Variants in CPED1 observed in about 807,000 individuals in gnomAD.
CPED1 encodes the protein cadherin like and PC-esterase domain containing 1.
CPED1 carries 114 observed loss-of-function variants against 128.2 expected under a neutral mutation model. The observed-to-expected ratio is 0.89, with a 90% CI of 0.76 to 1.04. The LOEUF (loss-of-function observed/expected upper bound fraction) is 1.04, where lower values mean the gene tolerates loss of function less well. Among genes scored for constraint, CPED1 ranks in the 50% least tolerant of loss-of-function variants. The pLI, the probability that CPED1 is intolerant of heterozygous loss-of-function variation, is 0.00. For missense variants in CPED1, 1,211 were observed against 1,207.1 expected, an observed-to-expected ratio of 1.00 and a Z score of -0.05; for synonymous variants, 462 against 426.7, an observed-to-expected ratio of 1.08 and a Z score of -1.02.
intron 14 of CPED1, among the ~76,000 whole-genome samples, chr7:121,137,057 A>C (rs1467756812): frequency 6.6e-6 from 1 of 151,994 alleles, no homozygotes; most frequent in Non-Finnish European, 1.5e-5. Context: ...ATATAGCTGT[A>C]TGTATTTGGT....
intron 16 of CPED1, among the ~76,000 whole-genome samples, chr7:121,228,743 G>C (rs1248179755): frequency 6.6e-6 from 1 of 151,962 alleles, no homozygotes; most frequent in Non-Finnish European, 1.5e-5. Flanking sequence ...ATCAGCATAA[G>C]TGCCTATCAG....
chr7:121,136,006 T>TTTA, intron 13 of CPED1, 34 bp from the exon 14 acceptor site: 2 of 1,438,090 alleles, frequency 1.4e-6, no homozygotes, highest in Non-Finnish European at 1.9e-6. Flanking sequence ...ATTAATGGTT[T>TTTA]TTATTTTAAA....
chr7:121,150,031 G>A (rs1796120405), intron 16 of CPED1, among the ~76,000 whole-genome samples: 1 of 152,090 alleles, frequency 6.6e-6, no homozygotes, highest in Non-Finnish European at 1.5e-5. Flanking sequence ...AGAGATCTTA[G>A]ATACGAAGTA....
chr7:121,196,946 A>G (rs1020401748), intron 16 of CPED1, among the ~76,000 whole-genome samples: 1 of 152,030 alleles, frequency 6.6e-6, no homozygotes, highest in Non-Finnish European at 1.5e-5. Context: ...ACTGAACTCA[A>G]TTTTTGTTTT....
At position 121,091,318 on chromosome 7, in the gene CPED1, C is replaced by T. The variant is rs114552918; in HGVS notation, c.617-6381C>T. Among the ~76,000 whole-genome samples, 1,197 of 152,184 alleles carry T rather than the reference C, an allele frequency of 7.9e-3. 19 individuals carry two copies. The highest frequency in any genetic ancestry group is 0.027 in the African/African-American group (1,108 of 41,522). Reference sequence around the variant, plus strand: ...CTGCAATGCAAAATTTGAGGAGGATCACTAAAAACATAGTGTGTCTTTACA... The same window carrying T: ...CTGCAATGCAAAATTTGAGGAGGATTACTAAAAACATAGTGTGTCTTTACA... On this transcript the variant is annotated intron_variant, in intron 5 of 22. Coordinates refer to ENST00000310396, the MANE Select transcript of CPED1 (RefSeq NM_024913.5).
chr7:121,242,762 G>A (rs1798426728), intron 17 of CPED1, among the ~76,000 whole-genome samples: 1 of 151,974 alleles, frequency 6.6e-6, no homozygotes, highest in South Asian at 2.1e-4. Flanking sequence ...CAAAGTTATT[G>A]TATATTTTCT....
chr7:121,238,250 G>T lies in CPED1; in HGVS notation c.2173+1419G>T, dbSNP rs150836343. Among the ~76,000 whole-genome samples, 269 of 152,170 alleles carry T rather than the reference G, an allele frequency of 1.8e-3. 1 individual carries two copies. The highest frequency in any genetic ancestry group is 6.3e-3 in the African/African-American group (261 of 41,522). ...AAGGAGCTAGGTCTCCTTAGAGAAG[G>T]CCCCAAATTGACTCACAAATCAAGT... On this transcript the variant is annotated intron_variant, in intron 17 of 22. Transcript: ENST00000310396.
At chr7:121,082,889 A>G (rs4140913) in intron 5 of CPED1, among the ~76,000 whole-genome samples, 114,055 of 152,134 alleles carry the variant, frequency 0.75, 43,785 homozygotes, top group East Asian at 0.96. Context: ...GAATTTACCT[A>G]TTCTATTATT....
At chr7:121,102,576 A>G (rs1459653638) in intron 7 of CPED1, among the ~76,000 whole-genome samples, 1 of 152,158 alleles carries the variant, frequency 6.6e-6, no homozygotes, top group Non-Finnish European at 1.5e-5. Flanking sequence ...GAAGGTTGAC[A>G]GACAGTAGGG....
intron 4 of CPED1, 38 bp downstream of exon 4, chr7:121,047,031 C>G (rs1475908529): frequency 1.6e-6 from 2 of 1,286,038 alleles, no homozygotes; most frequent in East Asian, 2.3e-5. Flanking sequence ...TTTATCAGCC[C>G]TACAGATATT....
chr7:121,290,518 A>T (rs1792677295), intron 22 of CPED1, among the ~76,000 whole-genome samples: 1 of 152,200 alleles, frequency 6.6e-6, no homozygotes, highest in Admixed American at 6.5e-5. Context: ...ATGAGATGGT[A>T]TCTCATTGTG....
chr7:121,060,001 C>A (rs1227330756), intron 4 of CPED1, among the ~76,000 whole-genome samples: 2 of 152,082 alleles, frequency 1.3e-5, no homozygotes, highest in Non-Finnish European at 2.9e-5. Flanking sequence ...CCGGGCTGCG[C>A]GCGGCGCTTG....
intron 18 of CPED1, among the ~76,000 whole-genome samples, chr7:121,265,829 C>A (rs1172390815): frequency 7.2e-6 from 1 of 138,196 alleles, no homozygotes; most frequent in African/African-American, 3.5e-5. Context: ...TCTGTGAATT[C>A]TCTGTTTGCA....
intron 20 of CPED1, 103 bp from the exon 21 acceptor site, chr7:121,267,112 A>T (rs1049965308): frequency 2.0e-5 from 14 of 705,812 alleles, no homozygotes; most frequent in Admixed American, 5.0e-5. Context: ...TATGCCAATT[A>T]TCACATTCTG....
intron 16 of CPED1, among the ~76,000 whole-genome samples, chr7:121,145,492 G>A (rs958345177): frequency 6.6e-6 from 1 of 152,014 alleles, no homozygotes; most frequent in African/African-American, 2.4e-5. Context: ...AAAATTATCT[G>A]ATAAGCACTA....
At position 121,051,063 on chromosome 7, in the gene CPED1, A is replaced by G. The variant is rs1585040891; in HGVS notation, c.540+4070A>G. On this transcript the variant is annotated intron_variant, in intron 4 of 22. Transcript: ENST00000310396. The stretch of plus-strand genomic sequence containing the variant: ...CTTCAGGCAAAAATGTGCAAACAAA[A>G]GGGAAAAGGAGAGCAAAGGGAAAAC... 3 of 531,040 alleles carry G rather than the reference A, an allele frequency of 5.6e-6. No individual in the cohort carries two copies. In the East Asian group the frequency reaches 1.6e-4, roughly 28 times the overall value. 32.9% of individuals were successfully genotyped at this position (531,040 alleles called of 1,614,324 possible). A position where few individuals can be genotyped will look rare whatever the true frequency, so the allele number is the denominator to read the frequency against.
intron 2 of CPED1, among the ~76,000 whole-genome samples, chr7:121,012,806 G>A (rs553336840): frequency 6.6e-6 from 1 of 152,242 alleles, no homozygotes; most frequent in Admixed American, 6.5e-5. Context: ...TTCAGTCTAT[G>A]CTATGATGGT....
intron 16 of CPED1, among the ~76,000 whole-genome samples, chr7:121,166,225 T>A (rs537287241): frequency 2.0e-5 from 3 of 152,322 alleles, no homozygotes; most frequent in African/African-American, 7.2e-5. Context: ...GATTTGAATC[T>A]ATGTGCTAGC....
chr7:121,189,711 G>A (rs1797084571), intron 16 of CPED1, among the ~76,000 whole-genome samples: 1 of 138,066 alleles, frequency 7.2e-6, no homozygotes, highest in Non-Finnish European at 1.5e-5. Flanking sequence ...TTTTGGAAAA[G>A]AAATGAAAGT....
Sources: gnomAD v4.1 joint callset for allele counts (sites outside exome capture counted in the v4.1 genomes callset) on GRCh38, gnomAD v4.1.1 for gene constraint, MANE v1.5 for transcripts, NCBI Gene and HGNC (gene_info 2026-07-23, HGNC 2026-07-21) for gene names.